The following MACROD2 variants were observed in gnomAD, a reference collection of about 807,000 sequenced individuals.
The protein encoded by MACROD2 is mono-ADP ribosylhydrolase 2.
MACROD2 carries 36 observed loss-of-function variants against 70.4 expected under a neutral mutation model. That is an observed-to-expected ratio of 0.51 (90% CI 0.39 to 0.68). The LOEUF (loss-of-function observed/expected upper bound fraction) is 0.68, where lower values mean the gene tolerates loss of function less well. Ranked by LOEUF, MACROD2 falls within the 30% of genes least tolerant of loss-of-function variation. MACROD2 has a pLI of 0.00. For synonymous variants in MACROD2, 172 were observed against 178.8 expected (o/e 0.96, Z 0.30); for missense variants, 496 against 538.4 (o/e 0.92, Z 0.78).
At chr20:15,230,213 A>G (rs1201344982) in intron 6 of MACROD2, 152 bp downstream of exon 6, 4 of 628,428 alleles carry the variant, frequency 6.4e-6, no homozygotes, top group Non-Finnish European at 1.0e-5. Context: ...CATGACTCTA[A>G]TCTTTGATGT....
rs1491509481 is a variant in MACROD2, at chr20:14,814,921, T to TGAA, written c.418+129962_418+129963insGAA. Among the ~76,000 whole-genome samples, 28 of 150,914 alleles carry TGAA rather than the reference T, an allele frequency of 1.9e-4. 1 individual carries two copies. The highest frequency in any genetic ancestry group is 1.4e-3 in the East Asian group (7 of 5,126). On this transcript the variant is annotated intron_variant, in intron 5 of 17. Coordinates refer to ENST00000684519, the MANE Select transcript of MACROD2 (RefSeq NM_001351661.2). ...TGAAAGGACATGCATTGAACATTTA[T>TGAA]TGAATGAATGAATGAATGAATGAAT... is the stretch of plus-strand genomic sequence containing the variant.
intron 3 of MACROD2, among the ~76,000 whole-genome samples, chr20:14,394,609 C>G (rs1026387006): frequency 3.9e-5 from 6 of 152,124 alleles, no homozygotes; most frequent in African/African-American, 1.4e-4. Flanking sequence ...ATCACAATGG[C>G]TAGAGCTCCC....
chr20:14,710,182 C>G (rs1411152693), intron 5 of MACROD2, among the ~76,000 whole-genome samples: 1 of 151,938 alleles, frequency 6.6e-6, no homozygotes, highest in African/African-American at 2.4e-5. Context: ...GCAAGGAGAC[C>G]TCGAGTGGCC....
chr20:15,113,941 T>C (rs1450636440), intron 5 of MACROD2, among the ~76,000 whole-genome samples: 3 of 152,086 alleles, frequency 2.0e-5, no homozygotes, highest in Non-Finnish European at 4.4e-5. Flanking sequence ...TCAGGACTGC[T>C]AGTATAATTC....
At chr20:14,974,644 A>G (rs534573229) in intron 5 of MACROD2, among the ~76,000 whole-genome samples, 6 of 151,798 alleles carry the variant, frequency 4.0e-5, no homozygotes, top group Non-Finnish European at 8.8e-5. Flanking sequence ...GCAGGAAGTG[A>G]CCTCTAGTGA....
Position 14,673,901 on chromosome 20 carries a change from CA to C in MACROD2, c.302-10940del, listed in dbSNP as rs1214143545. ...TGCCACTGCACTCCAGCCTGGGCAA[CA>C]AGAGTGAAACTCCATCTCAAAAAAA... On this transcript the variant is annotated intron_variant, in intron 4 of 17. Coordinates refer to ENST00000684519, the MANE Select transcript of MACROD2 (RefSeq NM_001351661.2). Among the ~76,000 whole-genome samples, 253 of 91,704 alleles carry C rather than the reference CA, an allele frequency of 2.8e-3. No homozygotes were observed. In the Middle Eastern group the frequency reaches 0.033, roughly 12 times the overall value. 60.2% of individuals were successfully genotyped at this position (91,704 alleles called of 152,430 possible). A position where few individuals can be genotyped will look rare whatever the true frequency, so the allele number is the denominator to read the frequency against.
chr20:15,703,511 T>C (rs1318012058), intron 8 of MACROD2, among the ~76,000 whole-genome samples: 1 of 152,230 alleles, frequency 6.6e-6, no homozygotes, highest in Non-Finnish European at 1.5e-5. Context: ...TGACTCACCA[T>C]CTTCCAAATA....
At chr20:15,272,846 A>C (rs1400979865) in intron 6 of MACROD2, among the ~76,000 whole-genome samples, 1 of 152,206 alleles carries the variant, frequency 6.6e-6, no homozygotes, top group Non-Finnish European at 1.5e-5. Context: ...AATAGTCTAC[A>C]GTTGCCAATC....
chr20:14,479,751 T>C (rs1031761584), intron 3 of MACROD2, among the ~76,000 whole-genome samples: 5 of 152,150 alleles, frequency 3.3e-5, no homozygotes, highest in Admixed American at 2.6e-4. Context: ...CAAAATAGAA[T>C]ATCGTAATCT....
chr20:14,046,382 G>T (rs1302122714), intron 2 of MACROD2, among the ~76,000 whole-genome samples: 1 of 152,202 alleles, frequency 6.6e-6, no homozygotes, highest in Non-Finnish European at 1.5e-5. Flanking sequence ...GACAGCATCA[G>T]ATTGATAAAA....
chr20:14,239,026 C>CAAA (rs55763322), intron 3 of MACROD2, among the ~76,000 whole-genome samples: 1 of 82,402 alleles, frequency 1.2e-5, no homozygotes, highest in African/African-American at 4.7e-5. Flanking sequence ...GACTCCGTCT[C>CAAA]AAAAAAAAAA....
intron 5 of MACROD2, among the ~76,000 whole-genome samples, chr20:15,228,197 C>A (rs914012187): frequency 1.3e-5 from 2 of 151,650 alleles, no homozygotes. Context: ...TATTTTTTTT[C>A]CTGAGTACAC....
intron 5 of MACROD2, among the ~76,000 whole-genome samples, chr20:15,087,950 AC>A (rs2075761049): frequency 2.0e-5 from 3 of 152,200 alleles, no homozygotes; most frequent in South Asian, 4.1e-4. Context: ...TCAAATAAAA[AC>A]AATAATGAAA....
At chr20:14,945,770 G>A (rs935458592) in intron 5 of MACROD2, among the ~76,000 whole-genome samples, 1 of 152,096 alleles carries the variant, frequency 6.6e-6, no homozygotes, top group Non-Finnish European at 1.5e-5. Flanking sequence ...TTAAAGGAGG[G>A]TGAGAAAATA....
intron 6 of MACROD2, among the ~76,000 whole-genome samples, chr20:15,231,475 A>G (rs2076958590): frequency 6.6e-6 from 1 of 152,066 alleles, no homozygotes; most frequent in South Asian, 2.1e-4. Context: ...GAAAATGGAT[A>G]TGTAGAGAAG....
chr20:15,348,568 A>T (rs1472252364), intron 6 of MACROD2, among the ~76,000 whole-genome samples: 1 of 152,204 alleles, frequency 6.6e-6, no homozygotes, highest in African/African-American at 2.4e-5. Flanking sequence ...TGGGTAATTT[A>T]TAAAGGAAAG....
At chr20:15,565,651 T>C (rs1318241199) in intron 8 of MACROD2, among the ~76,000 whole-genome samples, 2 of 152,144 alleles carry the variant, frequency 1.3e-5, no homozygotes, top group Admixed American at 6.5e-5. Flanking sequence ...GGTCTCACTC[T>C]GTTACACAGG....
intron 4 of MACROD2, among the ~76,000 whole-genome samples, chr20:14,629,925 GCTAA>G (rs1434433118): frequency 1.3e-5 from 2 of 151,932 alleles, no homozygotes; most frequent in African/African-American, 4.8e-5. Flanking sequence ...CAGAGCATTA[GCTAA>G]CTCAGATCCT....
At chr20:15,703,379 T>C (rs6110751) in intron 8 of MACROD2, among the ~76,000 whole-genome samples, 54,846 of 151,956 alleles carry the variant, frequency 0.36, 13,525 homozygotes, top group African/African-American at 0.71. Flanking sequence ...CTCTGTCACT[T>C]CCTATTTTCT....
Sources: allele counts gnomAD v4.1 joint callset (sites outside exome capture counted in the v4.1 genomes callset), GRCh38; gene constraint gnomAD v4.1.1; transcripts MANE v1.5; gene names NCBI Gene and HGNC (gene_info 2026-07-23, HGNC 2026-07-21).